KIAA0408: variants seen among roughly 807,000 people sequenced by gnomAD.
KIAA0408 encodes KIAA0408.
KIAA0408 carries 51 observed loss-of-function variants against 60.9 expected under a neutral mutation model. The observed-to-expected ratio is 0.84, with a 90% CI of 0.67 to 1.06. The LOEUF (loss-of-function observed/expected upper bound fraction) is 1.06. Among genes scored for constraint, KIAA0408 ranks in the 50% least tolerant of loss-of-function variants. The probability of loss-of-function intolerance (pLI) is 0.00; values close to 1 mark genes in which losing one functional copy is unlikely to be tolerated. For synonymous variants in KIAA0408, 304 were observed against 282.4 expected (o/e 1.08, Z -0.77); for missense variants, 787 against 833.9 (o/e 0.94, Z 0.69).
At position 127,447,598 on chromosome 6, in the gene KIAA0408, T is replaced by C. The variant is rs1355879715; in HGVS notation, c.721A>G (p.Thr241Ala). 1 of 1,613,450 alleles carries C rather than the reference T, an allele frequency of 6.2e-7. No individual in the cohort carries two copies. Among genetic ancestry groups the C allele is most frequent in the Non-Finnish European group, 8.5e-7 (1 of 1,179,776 alleles). The change falls in exon 5 of 6, where the codon ACC (threonine) becomes GCC (alanine). Residue 241 changes from threonine to alanine, a missense_variant. By Grantham distance (58) the Thr-to-Ala change is moderately conservative. Transcript: ENST00000483725. ...GTAGAATTGCTCTGGAGCACATTGG[T>C]ACAGCTCAGATTCTTCCTGTTTTTC... ...KQKNRKNLSC[T>A]NVLQSNSTKK...
intron 3 of KIAA0408, 31 bp from the exon 4 acceptor site, chr6:127,449,932 A>C: frequency 1.9e-6 from 3 of 1,613,904 alleles, no homozygotes; most frequent in Non-Finnish European, 2.5e-6. Flanking sequence ...GCCCGTTAGC[A>C]CTTTGAAATG....
chr6:127,453,946 A>T lies in KIAA0408; in HGVS notation c.36T>A (p.Thr12=), dbSNP rs1425057677. 3 of 1,612,940 alleles carry T rather than the reference A, an allele frequency of 1.9e-6. No homozygotes were observed. Among genetic ancestry groups the T allele is most frequent in the Non-Finnish European group, 2.5e-6 (3 of 1,179,208 alleles). The change falls in exon 2 of 6, where the codon ACT becomes ACA. Residue 12 remains threonine, a synonymous_variant. Coordinates refer to ENST00000483725, the MANE Select transcript of KIAA0408 (RefSeq NM_014702.5). ...DLHKQWENTE[T]NWHKEKMELL... ...ATTCCATCTTTTCCTTATGCCAGTT[A>T]GTCTCTGTGTTCTCCCACTGCTTAT... is the stretch of plus-strand genomic sequence containing the variant.
chr6:127,452,886 A>G (rs1477260594), intron 2 of KIAA0408, among the ~76,000 whole-genome samples: 1 of 152,098 alleles, frequency 6.6e-6, no homozygotes, highest in African/African-American at 2.4e-5. Flanking sequence ...ATCATACACC[A>G]CATGCCTGCC....
Position 127,450,058 on chromosome 6 carries a change from A to T in KIAA0408, c.430T>A (p.Cys144Ser). ...DPLATDNQKE[C>S]EAWPDLRTSE... Reference sequence around the variant, plus strand: ...GTCCTCAGGTCAGGCCAGGCCTCACATTCCTTTTGGTTGTCTGTAGCCAAA... The same window carrying T: ...GTCCTCAGGTCAGGCCAGGCCTCACTTTCCTTTTGGTTGTCTGTAGCCAAA... The change falls in exon 3 of 6, where the codon TGT becomes AGT. Residue 144 changes from cysteine to serine, a missense_variant. Transcript: ENST00000483725. 6.2e-7 allele frequency: 1 copy of T among 1,614,100 alleles called. No homozygotes were observed. Among genetic ancestry groups the T allele is most frequent in the Non-Finnish European group, 8.5e-7 (1 of 1,179,978 alleles).
Position 127,439,870 on chromosome 6 carries a change from T to C in KIAA0408, c.*4239A>G, listed in dbSNP as rs1773077150. 6.6e-6 allele frequency: 1 copy of C among 152,204 alleles called. No individual in the cohort carries two copies. Among genetic ancestry groups the C allele is most frequent in the Admixed American group, 6.5e-5 (1 of 15,272 alleles). 9.4% of individuals were successfully genotyped at this position (152,204 alleles called of 1,614,324 possible). A position where few individuals can be genotyped will look rare whatever the true frequency, so the allele number is the denominator to read the frequency against. On this transcript the variant is annotated 3_prime_UTR_variant, in exon 6 of 6. Transcript: ENST00000483725. ...GTCATAGATGCACATGGGACATTTA[T>C]ACAGGAGAGCAGATCATGAGTGAGC...
intron 2 of KIAA0408, 116 bp from the exon 3 acceptor site, chr6:127,450,468 T>C: frequency 1.4e-6 from 2 of 1,410,796 alleles, no homozygotes; most frequent in East Asian, 2.5e-5. Flanking sequence ...ATATACTTCC[T>C]GGGTATTAAT....
At chr6:127,448,891 C>G (rs1315322180) in intron 4 of KIAA0408, among the ~76,000 whole-genome samples, 1 of 152,108 alleles carries the variant, frequency 6.6e-6, no homozygotes, top group Non-Finnish European at 1.5e-5. Context: ...CTTTACTAAA[C>G]TTGTAGAGAA....
At position 127,446,907 on chromosome 6, in the gene KIAA0408, T is replaced by G; in HGVS notation, c.1412A>C (p.Asp471Ala). 1 of 1,614,140 alleles carries G rather than the reference T, an allele frequency of 6.2e-7. No individual in the cohort carries two copies. Among genetic ancestry groups the G allele is most frequent in the Non-Finnish European group, 8.5e-7 (1 of 1,180,008 alleles). The change falls in exon 5 of 6, where the codon GAT becomes GCT. Residue 471 changes from aspartate (D) to alanine (A), a missense_variant. By Grantham distance (126) the Asp-to-Ala change is moderately radical (BLOSUM62 -2). This residue lies in a region of KIAA0408 where 640 missense variants were observed against 681.3 expected (regional missense o/e 0.94). Transcript: ENST00000483725. ...AGATGAGGTATCACAGGGCTTGAGA[T>G]CCTCCGATGATTTTGAGCAGCTGTG... ...QNHSCSKSSE[D>A]LKPCDTSSTH...
rs978268133 is a variant in KIAA0408 at position 127,440,971 on chromosome 6, T to G, written c.*3138A>C. ...TATGAGTTTAGATTTCATAAGACAC[T>G]TAGCTTTACTGGAGTTCACTGCAGA... On this transcript the variant is annotated 3_prime_UTR_variant, in exon 6 of 6. Coordinates refer to ENST00000483725, the MANE Select transcript of KIAA0408 (RefSeq NM_014702.5). 1 of 152,284 alleles carries G rather than the reference T, an allele frequency of 6.6e-6. No homozygotes were observed. The highest frequency in any genetic ancestry group is 1.5e-5 in the Non-Finnish European group (1 of 68,032). 9.4% of individuals were successfully genotyped at this position (152,284 alleles called of 1,614,324 possible).
In KIAA0408 at chr6:127,439,777, C is replaced by A. The variant is rs938627491; in HGVS notation, c.*4332G>T. On this transcript the variant is annotated 3_prime_UTR_variant, in exon 6 of 6. Coordinates refer to ENST00000483725, the MANE Select transcript of KIAA0408 (RefSeq NM_014702.5). ...TCCTTCTTACTTAGAAATCACAATG[C>A]CTGCCTTGTAGTTTGTTGTAAGAAG... is the stretch of plus-strand genomic sequence containing the variant. 6.6e-6 allele frequency: 1 copy of A among 152,140 alleles called. No individual in the cohort carries two copies. 9.4% of individuals were successfully genotyped at this position (152,140 alleles called of 1,614,324 possible). A position where few individuals can be genotyped will look rare whatever the true frequency, so the allele number is the denominator to read the frequency against.
At chr6:127,454,355 G>A (rs1773353880) in intron 1 of KIAA0408, 1 of 164,916 alleles carries the variant, frequency 6.1e-6, no homozygotes, top group South Asian at 1.9e-4. Flanking sequence ...GCGCATGTGA[G>A]ATGTAATCAT....
chr6:127,445,863 T>C (rs888307462), intron 5 of KIAA0408, among the ~76,000 whole-genome samples: 1 of 152,124 alleles, frequency 6.6e-6, no homozygotes, highest in Non-Finnish European at 1.5e-5. Context: ...CTTATTTATA[T>C]ATACTATCTT....
rs1773274410 is a variant in KIAA0408, at chr6:127,450,059, T to C, written c.429A>G (p.Glu143=). 1 of 1,614,052 alleles carries C rather than the reference T, an allele frequency of 6.2e-7. No individual in the cohort carries two copies. Among genetic ancestry groups the C allele is most frequent in the Non-Finnish European group, 8.5e-7 (1 of 1,180,006 alleles). ...LDPLATDNQK[E]CEAWPDLRTS... is the part of the protein sequence containing the mutation. ...TCCTCAGGTCAGGCCAGGCCTCACATTCCTTTTGGTTGTCTGTAGCCAAAG... is the reference window on the plus strand; with the variant it reads ...TCCTCAGGTCAGGCCAGGCCTCACACTCCTTTTGGTTGTCTGTAGCCAAAG... Residue 143 remains glutamate (E), a synonymous_variant, in exon 3 of 6, where the codon GAA becomes GAG. Coordinates refer to ENST00000483725, the MANE Select transcript of KIAA0408 (RefSeq NM_014702.5).
At position 127,442,832 on chromosome 6, in the gene KIAA0408, C is replaced by T. The variant is rs1259686446; in HGVS notation, c.*1277G>A. 1 of 152,182 alleles carries T rather than the reference C, an allele frequency of 6.6e-6. No homozygotes were observed. Among genetic ancestry groups the T allele is most frequent in the Non-Finnish European group, 1.5e-5 (1 of 68,024 alleles). 9.4% of individuals were successfully genotyped at this position (152,182 alleles called of 1,614,324 possible). A position where few individuals can be genotyped will look rare whatever the true frequency, so the allele number is the denominator to read the frequency against. ...TATAGTGACAGTAGAGAGCAAAGTT[C>T]CTTCTAAAATCTTCCATTTAGAATT... On this transcript the variant is annotated 3_prime_UTR_variant, in exon 6 of 6. Coordinates refer to ENST00000483725, the MANE Select transcript of KIAA0408 (RefSeq NM_014702.5).
At chr6:127,446,066 C>G (rs1349966743) in intron 5 of KIAA0408, among the ~76,000 whole-genome samples, 5 of 151,962 alleles carry the variant, frequency 3.3e-5, no homozygotes, top group Admixed American at 2.6e-4. Flanking sequence ...AAAAAAGAAC[C>G]TTTAAAATAA....
intron 2 of KIAA0408, among the ~76,000 whole-genome samples, chr6:127,451,500 C>T (rs1583070137): frequency 6.6e-6 from 1 of 152,094 alleles, no homozygotes; most frequent in East Asian, 1.9e-4. Context: ...TAAGAAGGAA[C>T]CCTAAAAAGT....
chr6:127,443,925 C>T lies in KIAA0408; in HGVS notation c.*184G>A. On this transcript the variant is annotated 3_prime_UTR_variant, in exon 6 of 6. Coordinates refer to ENST00000483725, the MANE Select transcript of KIAA0408 (RefSeq NM_014702.5). ...CTAATGAGGATGGCATTAAAAAATTCTGATCTAAGAAATCAAAATGCAGGA... is the reference window on the plus strand; with the variant it reads ...CTAATGAGGATGGCATTAAAAAATTTTGATCTAAGAAATCAAAATGCAGGA... 1 of 574,730 alleles carries T rather than the reference C, an allele frequency of 1.7e-6. No homozygotes were observed. Among genetic ancestry groups the T allele is most frequent in the South Asian group, 2.2e-5 (1 of 45,630 alleles). The allele number at this position is 574,730 out of a possible 1,614,324, so 35.6% of individuals were successfully genotyped here. A position where few individuals can be genotyped will look rare whatever the true frequency, so the allele number is the denominator to read the frequency against.
chr6:127,442,383 C>G lies in KIAA0408; in HGVS notation c.*1726G>C, dbSNP rs1050655079. On this transcript the variant is annotated 3_prime_UTR_variant, in exon 6 of 6. Coordinates refer to ENST00000483725, the MANE Select transcript of KIAA0408 (RefSeq NM_014702.5). Reference sequence around the variant, plus strand: ...TTTCCTGGTGTTTTCTCCCCTCTAGCTGGAAAGCATATTATGAGAGTGATA... The same window carrying G: ...TTTCCTGGTGTTTTCTCCCCTCTAGGTGGAAAGCATATTATGAGAGTGATA... 5.9e-5 allele frequency: 9 copies of G among 152,194 alleles called. No individual in the cohort carries two copies. The highest frequency in any genetic ancestry group is 1.2e-4 in the Non-Finnish European group (8 of 68,044). The allele number at this position is 152,194 out of a possible 1,614,324, so 9.4% of individuals were successfully genotyped here. A position where few individuals can be genotyped will look rare whatever the true frequency, so the allele number is the denominator to read the frequency against.
chr6:127,447,746 C>G lies in KIAA0408; in HGVS notation c.579-6G>C. The G allele has an allele frequency of 6.5e-7, 1 of 1,530,970 alleles. No homozygotes were observed. The highest frequency in any genetic ancestry group is 8.7e-7 in the Non-Finnish European group (1 of 1,145,876). 94.8% of individuals were successfully genotyped at this position (1,530,970 alleles called of 1,614,324 possible). A position where few individuals can be genotyped will look rare whatever the true frequency, so the allele number is the denominator to read the frequency against. On this transcript the variant is annotated splice_polypyrimidine_tract_variant and splice_region_variant and intron_variant, in intron 4 of 5. Coordinates refer to ENST00000483725, the MANE Select transcript of KIAA0408 (RefSeq NM_014702.5). ...GAAAAGAATCTGACTTCATCCTAAA[C>G]AATGATAAAACATGGTGTATTGGTT...
Sources: gnomAD v4.1 joint callset for allele counts (sites outside exome capture counted in the v4.1 genomes callset) on GRCh38, gnomAD v4.1.1 for gene constraint, gnomAD v4.1.1 regional missense constraint, MANE v1.5 for transcripts, NCBI Gene and HGNC (gene_info 2026-07-23, HGNC 2026-07-21) for gene names.